ADD3: variants seen among roughly 807,000 people sequenced by gnomAD.
The protein encoded by ADD3 is adducin 3.
A neutral mutation model predicts 80.2 loss-of-function variants in ADD3; 25 were observed. The observed-to-expected ratio is 0.31, with a 90% CI of 0.23 to 0.44. The LOEUF (loss-of-function observed/expected upper bound fraction) is 0.44, where lower values mean the gene tolerates loss of function less well. Ranked by LOEUF, ADD3 falls within the 20% of genes least tolerant of loss-of-function variation. The pLI is 1.00. For synonymous variants in ADD3, 284 were observed against 289.6 expected (o/e 0.98, Z 0.20); for missense variants, 829 against 847.5 (o/e 0.98, Z 0.27).
At chr10:110,016,970 CTTGA>C (rs746537794) in intron 1 of ADD3, among the ~76,000 whole-genome samples, 5 of 152,072 alleles carry the variant, frequency 3.3e-5, no homozygotes, top group Non-Finnish European at 5.9e-5. Flanking sequence ...TAAAAATACA[CTTGA>C]TTGTTACATA....
In ADD3 at chr10:110,133,552, AAAG is replaced by A. The variant is rs1853336441; in HGVS notation, c.2061_2063del (p.Lys688del). 7.4e-6 allele frequency: 12 copies of A among 1,611,664 alleles called. No individual in the cohort carries two copies. Among genetic ancestry groups the A allele is most frequent in the Non-Finnish European group, 9.3e-6 (11 of 1,179,228 alleles). On this transcript the variant is annotated inframe_deletion, in exon 15 of 15. Coordinates refer to ENST00000356080, the MANE Select transcript of ADD3 (RefSeq NM_016824.5). The stretch of plus-strand genomic sequence containing the variant: ...CCCCTTCAAAATCGCCATCCAAGAA[AAAG>A]AAGAAATTCCGCACTCCTTCTTTTC...
At chr10:110,018,526 CAAAAAAAAAAAAA>C (rs59949041) in intron 1 of ADD3, among the ~76,000 whole-genome samples, 2 of 49,542 alleles carry the variant, frequency 4.0e-5, no homozygotes, top group African/African-American at 1.0e-4. Context: ...GACTTTGTCT[CAAAAAAAAAAAAA>C]AAAAAAAAAA....
chr10:110,114,104 C>G (rs1313377753), intron 3 of ADD3, among the ~76,000 whole-genome samples: 1 of 152,190 alleles, frequency 6.6e-6, no homozygotes, highest in Non-Finnish European at 1.5e-5. Flanking sequence ...AGACCTGGGC[C>G]TGCTGGCTGG....
chr10:110,046,420 ATT>A (rs61566100), intron 1 of ADD3, among the ~76,000 whole-genome samples: 11 of 142,746 alleles, frequency 7.7e-5, no homozygotes, highest in Admixed American at 7.1e-5. Context: ...TTATACGTGG[ATT>A]TTTTTTTTTT....
chr10:110,113,036 G>C, intron 3 of ADD3, 121 bp downstream of exon 3: 2 of 1,050,142 alleles, frequency 1.9e-6, no homozygotes, highest in South Asian at 1.6e-5. Flanking sequence ...CTAATACTTA[G>C]AGTAACATAG....
intron 8 of ADD3, 124 bp downstream of exon 8, chr10:110,119,688 T>A: frequency 2.6e-6 from 2 of 755,000 alleles, no homozygotes; most frequent in Non-Finnish European, 4.3e-6. Context: ...AGTTCTGCTC[T>A]ACTTATGTAG....
At chr10:110,089,850 TCTCTG>T (rs1847248742) in intron 1 of ADD3, among the ~76,000 whole-genome samples, 1 of 152,196 alleles carries the variant, frequency 6.6e-6, no homozygotes, top group East Asian at 1.9e-4. Flanking sequence ...AGAAATACTT[TCTCTG>T]AACTTTCTGT....
At chr10:110,006,859 G>C (rs1178962701), upstream of ADD3, among the ~76,000 whole-genome samples, 1 of 152,080 alleles carries the variant, frequency 6.6e-6, no homozygotes, top group African/African-American at 2.4e-5. Flanking sequence ...GAAACGAAGG[G>C]GGATAAGGGT....
chr10:110,117,499 G>T, intron 5 of ADD3, 77 bp downstream of exon 5: 1 of 846,206 alleles, frequency 1.2e-6, no homozygotes, highest in South Asian at 1.4e-5. Context: ...TTTAGCACAG[G>T]ACAGAATAAG....
chr10:110,073,518 A>G (rs973592954), intron 1 of ADD3, among the ~76,000 whole-genome samples: 1 of 152,206 alleles, frequency 6.6e-6, no homozygotes, highest in South Asian at 2.1e-4. Flanking sequence ...TGGAATAAGT[A>G]TGTAAAGTGC....
chr10:110,089,042 A>AT (rs751960465), intron 1 of ADD3, among the ~76,000 whole-genome samples: 2 of 152,190 alleles, frequency 1.3e-5, no homozygotes, highest in African/African-American at 2.4e-5. Flanking sequence ...TAAGATTGGA[A>AT]TTTGGGGAAG....
At chr10:110,031,983 T>C (rs1053625193) in intron 1 of ADD3, among the ~76,000 whole-genome samples, 2 of 152,046 alleles carry the variant, frequency 1.3e-5, no homozygotes, top group South Asian at 4.1e-4. Context: ...TGGCAGCCAG[T>C]TGAACGGTAT....
intron 1 of ADD3, among the ~76,000 whole-genome samples, chr10:110,035,730 C>G (rs1243448323): frequency 6.6e-6 from 1 of 152,138 alleles, no homozygotes; most frequent in Non-Finnish European, 1.5e-5. Flanking sequence ...TGAAGTAAGG[C>G]CCGGTAATTT....
chr10:110,036,503 C>G (rs1855674919), intron 1 of ADD3, among the ~76,000 whole-genome samples: 1 of 151,854 alleles, frequency 6.6e-6, no homozygotes, highest in African/African-American at 2.4e-5. Flanking sequence ...CCTCAGCCTC[C>G]CAAGTAGCTG....
At chr10:110,047,546 G>A (rs922880055) in intron 1 of ADD3, among the ~76,000 whole-genome samples, 1 of 152,158 alleles carries the variant, frequency 6.6e-6, no homozygotes, top group Non-Finnish European at 1.5e-5. Context: ...ATTTTTTAAT[G>A]TATCCCTGAA....
At chr10:110,000,875 C>T (rs897758219), upstream of ADD3, among the ~76,000 whole-genome samples, 18 of 152,282 alleles carry the variant, frequency 1.2e-4, no homozygotes, top group Middle Eastern at 3.4e-3. Flanking sequence ...ACATATAAGA[C>T]ATTCAGTACT....
chr10:110,040,455 A>T (rs1309886547), intron 1 of ADD3, among the ~76,000 whole-genome samples: 1 of 152,236 alleles, frequency 6.6e-6, no homozygotes, highest in Non-Finnish European at 1.5e-5. Context: ...GTAATTTTTG[A>T]TGATTATCAT....
chr10:110,033,414 A>G (rs891233393), intron 1 of ADD3, among the ~76,000 whole-genome samples: 1 of 152,218 alleles, frequency 6.6e-6, no homozygotes, highest in African/African-American at 2.4e-5. Flanking sequence ...GAATATGTTC[A>G]TGTCGCCATA....
chr10:110,028,215 C>G (rs1285095266), intron 1 of ADD3, among the ~76,000 whole-genome samples: 1 of 152,118 alleles, frequency 6.6e-6, no homozygotes, highest in Non-Finnish European at 1.5e-5. Flanking sequence ...TCCCTGACCC[C>G]CATCTCCCCT....
Sources: allele counts gnomAD v4.1 joint callset (sites outside exome capture counted in the v4.1 genomes callset), GRCh38; gene constraint gnomAD v4.1.1; transcripts MANE v1.5; gene names NCBI Gene and HGNC (gene_info 2026-07-23, HGNC 2026-07-21).